Variants in FBXL17 observed in about 807,000 individuals in gnomAD.
The protein encoded by FBXL17 is F-box/LRR-repeat protein 17.
Under a neutral mutation model 66.2 loss-of-function variants are expected in FBXL17, and 22 were observed. The ratio of observed to expected loss-of-function variants is 0.33; its 90% CI spans 0.24 to 0.47. The LOEUF (loss-of-function observed/expected upper bound fraction) is 0.47, where lower values mean the gene tolerates loss of function less well. Ranked by LOEUF, FBXL17 falls within the 20% of genes least tolerant of loss-of-function variation. The pLI is 1.00. For missense variants in FBXL17, 878 were observed against 948.2 expected (o/e 0.93, Z 0.97); for synonymous variants, 474 against 400.5 (o/e 1.18, Z -2.19).
chr5:108,200,108 T>G (rs554779083), intron 5 of FBXL17, among the ~76,000 whole-genome samples: 1 of 152,256 alleles, frequency 6.6e-6, no homozygotes, highest in South Asian at 2.1e-4. Context: ...AAGTTGGAGC[T>G]GCAGATCAGT....
chr5:108,319,767 C>T (rs1759533421), intron 4 of FBXL17, among the ~76,000 whole-genome samples: 4 of 151,448 alleles, frequency 2.6e-5, no homozygotes, highest in Admixed American at 2.6e-4. Context: ...AACTATATAA[C>T]TTCTATTAAT....
Position 107,866,301 on chromosome 5 carries a change from A to G in FBXL17, c.1966-4441T>C, listed in dbSNP as rs544342134. On this transcript the variant is annotated intron_variant, in intron 8 of 8. Coordinates refer to ENST00000542267, the MANE Select transcript of FBXL17 (RefSeq NM_001163315.3). ...GCCACAAATTTTTTTTTAATATAAG[A>G]AAGACTGGATTTTATACTTCTCTCC... 7.9e-5 allele frequency among the ~76,000 whole-genome samples: 12 copies of G among 152,340 alleles called. No individual in the cohort carries two copies. The East Asian group carries it at 1.7e-3, about 22-fold the overall frequency.
rs368337366 is a variant in FBXL17 at position 108,381,567 on chromosome 5, G to C, written c.125C>G (p.Pro42Arg). 8 of 1,440,874 alleles carry C rather than the reference G, an allele frequency of 5.6e-6. No homozygotes were observed. The South Asian group carries it at 8.4e-5, about 15-fold the overall frequency. 89.3% of individuals were successfully genotyped at this position (1,440,874 alleles called of 1,614,324 possible). ...RLPRRTPAKV[P>R]PQPAAPRSRD... The stretch of plus-strand genomic sequence containing the variant: ...GCTCCGGGGCGCCGCCGGCTGAGGG[G>C]GCACCTTGGCTGGGGTCCGGCGGGG... Residue 42 changes from proline to arginine, a missense_variant, in exon 1 of 9, where the codon CCC becomes CGC. This residue lies in a region of FBXL17 where 605 missense variants were observed against 509.5 expected (regional missense o/e 1.19). Coordinates refer to ENST00000542267, the MANE Select transcript of FBXL17 (RefSeq NM_001163315.3).
At chr5:108,182,654 A>C (rs1305655635) in intron 6 of FBXL17, among the ~76,000 whole-genome samples, 1 of 152,084 alleles carries the variant, frequency 6.6e-6, no homozygotes, top group Non-Finnish European at 1.5e-5. Context: ...TCTACAATAC[A>C]TATATTTAGG....
At chr5:108,377,094 AT>A (rs1195050859) in intron 1 of FBXL17, among the ~76,000 whole-genome samples, 10 of 152,188 alleles carry the variant, frequency 6.6e-5, no homozygotes, top group Non-Finnish European at 1.2e-4. Context: ...GTTTTCAGCT[AT>A]GTACATGCCA....
At chr5:108,155,523 A>C (rs1056087985) in intron 6 of FBXL17, among the ~76,000 whole-genome samples, 1 of 152,176 alleles carries the variant, frequency 6.6e-6, no homozygotes, top group African/African-American at 2.4e-5. Flanking sequence ...TCAAAAAAAA[A>C]GAAAAATTTT....
intron 4 of FBXL17, among the ~76,000 whole-genome samples, chr5:108,244,414 C>T (rs1390770759): frequency 1.3e-5 from 2 of 152,014 alleles, no homozygotes; most frequent in Non-Finnish European, 2.9e-5. Flanking sequence ...GCTACGTGAC[C>T]TTAAGGAAGT....
chr5:108,001,002 T>A (rs1753699486), intron 7 of FBXL17, among the ~76,000 whole-genome samples: 1 of 152,222 alleles, frequency 6.6e-6, no homozygotes, highest in Middle Eastern at 3.2e-3. Context: ...AATTTCAATG[T>A]ACACAGGAAA....
At chr5:108,366,733 T>C (rs945357895) in intron 2 of FBXL17, among the ~76,000 whole-genome samples, 3 of 152,060 alleles carry the variant, frequency 2.0e-5, no homozygotes, top group African/African-American at 7.2e-5. Context: ...TCCTTGGATA[T>C]AAAGGTCATG....
rs116384568 is a variant in FBXL17 at position 108,269,733 on chromosome 5, T to C, written c.1507-45505A>G. Among the ~76,000 whole-genome samples, 798 of 152,148 alleles carry C rather than the reference T, an allele frequency of 5.2e-3. 9 individuals carry two copies. The highest frequency in any genetic ancestry group is 0.018 in the African/African-American group (756 of 41,532). ...TAAGGTCTTCCAAAGAAGAGAACCATGTATTATTTGTCTTGGAATCCATAG... is the reference window on the plus strand; with the variant it reads ...TAAGGTCTTCCAAAGAAGAGAACCACGTATTATTTGTCTTGGAATCCATAG... On this transcript the variant is annotated intron_variant, in intron 4 of 8. Transcript: ENST00000542267.
intron 4 of FBXL17, among the ~76,000 whole-genome samples, chr5:108,242,997 T>A (rs1386996835): frequency 6.6e-6 from 1 of 152,230 alleles, no homozygotes; most frequent in Non-Finnish European, 1.5e-5. Context: ...AATCATTTTC[T>A]AACTATTTAA....
rs1023627266 is a variant in FBXL17, at chr5:108,031,722, A to G, written c.1746-10721T>C. On this transcript the variant is annotated intron_variant, in intron 6 of 8. Transcript: ENST00000542267. ...TATCATTGTACATGGTTAGCAACAT[A>G]ATACAGTAATAAAACAGAGATGATA... Among the ~76,000 whole-genome samples, 32 of 152,198 alleles carry G rather than the reference A, an allele frequency of 2.1e-4. 1 individual carries two copies. The highest frequency in any genetic ancestry group is 7.7e-4 in the African/African-American group (32 of 41,466).
At chr5:108,223,811 A>C (rs1198885373) in intron 5 of FBXL17, among the ~76,000 whole-genome samples, 1 of 64,710 alleles carries the variant, frequency 1.5e-5, no homozygotes, top group Non-Finnish European at 2.9e-5. Context: ...ATGAGCACTT[A>C]AAATTCAACC....
chr5:108,182,490 T>C lies in FBXL17; in HGVS notation c.1745+3627A>G, dbSNP rs569899552. Among the ~76,000 whole-genome samples, 11 of 152,302 alleles carry C rather than the reference T, an allele frequency of 7.2e-5. No homozygotes were observed. The East Asian group carries it at 1.9e-3, about 27-fold the overall frequency. ...AATGTTTGAAACTTCTATTACAGTA[T>C]ACAGGATAAGTGCAAGTAGTGTAAT... On this transcript the variant is annotated intron_variant, in intron 6 of 8. Coordinates refer to ENST00000542267, the MANE Select transcript of FBXL17 (RefSeq NM_001163315.3).
At chr5:108,035,976 T>G (rs1746825772) in intron 6 of FBXL17, among the ~76,000 whole-genome samples, 1 of 152,204 alleles carries the variant, frequency 6.6e-6, no homozygotes, top group South Asian at 2.1e-4. Context: ...CAAAGTCTAA[T>G]TTTTTTCAGA....
intron 7 of FBXL17, among the ~76,000 whole-genome samples, chr5:107,897,338 C>T (rs1486538875): frequency 6.6e-6 from 1 of 152,112 alleles, no homozygotes; most frequent in Non-Finnish European, 1.5e-5. Flanking sequence ...TAGTTGAATT[C>T]ATGATCAAGA....
chr5:108,169,346 C>T (rs1369192197), intron 6 of FBXL17, among the ~76,000 whole-genome samples: 1 of 152,156 alleles, frequency 6.6e-6, no homozygotes, highest in African/African-American at 2.4e-5. Flanking sequence ...TAAGTAATAT[C>T]TATTTCCTCA....
chr5:108,094,793 T>C lies in FBXL17; in HGVS notation c.1746-73792A>G, dbSNP rs138121099. On this transcript the variant is annotated intron_variant, in intron 6 of 8. Transcript: ENST00000542267. ...TTATTTACTATGATTAGGAATCTCA[T>C]GGAGGCTGAAGCAAAAATAAAAATG... 1.9e-3 allele frequency among the ~76,000 whole-genome samples: 293 copies of C among 151,884 alleles called. 3 individuals carry two copies. The highest frequency in any genetic ancestry group is 6.6e-3 in the African/African-American group (273 of 41,424).
intron 1 of FBXL17, among the ~76,000 whole-genome samples, chr5:108,374,534 C>T (rs763091847): frequency 6.6e-5 from 10 of 151,914 alleles, no homozygotes; most frequent in East Asian, 1.9e-4. Context: ...ATTAGCCGGG[C>T]GTGGTGGCAT....
Sources: gnomAD v4.1 joint callset for allele counts (sites outside exome capture counted in the v4.1 genomes callset) on GRCh38, gnomAD v4.1.1 for gene constraint, gnomAD v4.1.1 regional missense constraint, MANE v1.5 for transcripts, NCBI Gene and HGNC (gene_info 2026-07-23, HGNC 2026-07-21) for gene names.